Variants in SLC22A14 observed in about 807,000 individuals in gnomAD.
SLC22A14 encodes the protein solute carrier family 22 member 14.
SLC22A14 carries 50 observed loss-of-function variants against 53.9 expected under a neutral mutation model. That is an observed-to-expected ratio of 0.93 (90% CI 0.74 to 1.17). The LOEUF (loss-of-function observed/expected upper bound fraction) is 1.17. SLC22A14 is among the 50% of genes most tolerant of loss of function. SLC22A14 has a pLI of 0.00. For synonymous variants in SLC22A14, 312 were observed against 303.0 expected (o/e 1.03, Z -0.31); for missense variants, 671 against 734.7 (o/e 0.91, Z 1.00).
rs1038697278 is a variant in SLC22A14, at chr3:38,295,032, A to G, written c.1-10995A>G. Among the ~76,000 whole-genome samples, 6 of 152,218 alleles carry G rather than the reference A, an allele frequency of 3.9e-5. No individual in the cohort carries two copies. In the East Asian group the frequency reaches 9.6e-4, roughly 24 times the overall value. ...ACAGATCCAACGTTTGAGCAGACCA[A>G]TTATTAGGCAGTTCTCCTAACTCTG... is the stretch of plus-strand genomic sequence containing the variant. On this transcript the variant is annotated intron_variant, in intron 1 of 10. Coordinates refer to ENST00000448498, the MANE Select transcript of SLC22A14 (RefSeq NM_001320033.2).
intron 1 of SLC22A14, among the ~76,000 whole-genome samples, chr3:38,304,186 G>C (rs1668507295): frequency 7.1e-6 from 1 of 140,000 alleles, no homozygotes; most frequent in African/African-American, 2.7e-5. Flanking sequence ...GCGAGACTCT[G>C]TCTCAAAAAA....
rs528623931 is a variant in SLC22A14, at chr3:38,306,406, G to A, written c.380G>A (p.Ser127Asn). The change falls in exon 2 of 11, where the codon AGT (serine) becomes AAT (asparagine). Residue 127 changes from serine (S) to asparagine (N), a missense_variant. By Grantham distance (46) the Ser-to-Asn change is conservative. Coordinates refer to ENST00000448498, the MANE Select transcript of SLC22A14 (RefSeq NM_001320033.2). Reference protein sequence around the residue: ...NLTIPQAPNGSFLTCFMYLPV... With the variant: ...NLTIPQAPNGNFLTCFMYLPV... The stretch of plus-strand genomic sequence containing the variant: ...ACCATACCCCAAGCACCCAATGGCA[G>A]TTTCCTGACATGCTTCATGTACCTT... The A allele has an allele frequency of 1.2e-6, 2 of 1,614,238 alleles. No individual in the cohort carries two copies. The highest frequency in any genetic ancestry group is 2.2e-5 in the South Asian group (2 of 91,090).
chr3:38,285,838 A>G (rs888334776), intron 1 of SLC22A14, among the ~76,000 whole-genome samples: 15 of 152,244 alleles, frequency 9.9e-5, no homozygotes, highest in African/African-American at 3.6e-4. Flanking sequence ...CAGGTATTCA[A>G]CTTTATAAGA....
intron 1 of SLC22A14, among the ~76,000 whole-genome samples, chr3:38,298,407 A>T (rs1704085227): frequency 6.6e-6 from 1 of 151,254 alleles, no homozygotes; most frequent in African/African-American, 2.4e-5. Flanking sequence ...AGAGGTAGAA[A>T]ATAGACTTGC....
At chr3:38,284,121 G>A (rs913134051) in intron 1 of SLC22A14, among the ~76,000 whole-genome samples, 5 of 152,226 alleles carry the variant, frequency 3.3e-5, no homozygotes, top group African/African-American at 1.2e-4. Context: ...TGGAACAGCA[G>A]TCGCAGTCTG....
chr3:38,309,846 G>T (rs918056430), intron 5 of SLC22A14, among the ~76,000 whole-genome samples: 2 of 152,148 alleles, frequency 1.3e-5, no homozygotes. Flanking sequence ...ATGAAGCAAT[G>T]ATCATATTTA....
chr3:38,316,331 G>C lies in SLC22A14; in HGVS notation c.1540G>C (p.Gly514Arg), dbSNP rs369916421. ...ELLPTVLRAT[G>R]LGLVSLASVA... ...TCTCACCTCCACTTTCAGGGCGACAGGTCTGGGGCTGGTGTCTCTGGCCTC... is the reference window on the plus strand; with the variant it reads ...TCTCACCTCCACTTTCAGGGCGACACGTCTGGGGCTGGTGTCTCTGGCCTC... Residue 514 changes from glycine to arginine, a missense_variant, in exon 10 of 11, where the codon GGT becomes CGT. Physicochemically the swap from Gly to Arg is moderately radical, Grantham distance 125. Transcript: ENST00000448498. 13 of 1,614,042 alleles carry C rather than the reference G, an allele frequency of 8.1e-6. No individual in the cohort carries two copies. The highest frequency in any genetic ancestry group is 1.1e-5 in the Non-Finnish European group (13 of 1,180,052).
rs1010071102 is a variant in SLC22A14 at position 38,298,721 on chromosome 3, GT to G, written c.1-7301del. ...AGGCAGGTGCCACCATATCCAGCTA[GT>G]TTTTGTATTTTTTAGTAGAGACAGG... On this transcript the variant is annotated intron_variant, in intron 1 of 10. Coordinates refer to ENST00000448498, the MANE Select transcript of SLC22A14 (RefSeq NM_001320033.2). 4.5e-4 allele frequency among the ~76,000 whole-genome samples: 68 copies of G among 152,208 alleles called. 1 individual carries two copies. The highest frequency in any genetic ancestry group is 1.6e-3 in the African/African-American group (68 of 41,520).
intron 1 of SLC22A14, among the ~76,000 whole-genome samples, chr3:38,294,586 C>T (rs1161081337): frequency 1.3e-5 from 2 of 151,998 alleles, no homozygotes; most frequent in Non-Finnish European, 2.9e-5. Flanking sequence ...GCCAGCACCC[C>T]TAGTCATTTT....
chr3:38,317,028 A>G (rs978991518), intron 10 of SLC22A14, among the ~76,000 whole-genome samples: 6 of 152,184 alleles, frequency 3.9e-5, no homozygotes, highest in Non-Finnish European at 5.9e-5. Flanking sequence ...CAACACCTCC[A>G]TGGGCACTTC....
chr3:38,313,442 A>G lies in SLC22A14; in HGVS notation c.1120A>G (p.Asn374Asp). The change falls in exon 7 of 11, where the codon AAT becomes GAT. Residue 374 changes from asparagine (N) to aspartate (D), a missense_variant. Coordinates refer to ENST00000448498, the MANE Select transcript of SLC22A14 (RefSeq NM_001320033.2). ...GGCCTCTGTCCTGGACTTCTGTAAG[A>G]ATAGGCAGCTCTGCAAGGTGACCTT... Reference protein sequence around the residue: ...TRASVLDFCKNRQLCKVTLVM... With the variant: ...TRASVLDFCKDRQLCKVTLVM... 1 of 1,613,930 alleles carries G rather than the reference A, an allele frequency of 6.2e-7. No individual in the cohort carries two copies. The highest frequency in any genetic ancestry group is 8.5e-7 in the Non-Finnish European group (1 of 1,179,856).
chr3:38,313,257 T>C, intron 6 of SLC22A14, 131 bp from the exon 7 acceptor site: 4 of 1,436,328 alleles, frequency 2.8e-6, no homozygotes, highest in East Asian at 2.3e-5. Flanking sequence ...GACAGCAAAA[T>C]TGAACCCTGC....
chr3:38,309,658 G>A (rs1192015674), intron 5 of SLC22A14, among the ~76,000 whole-genome samples: 2 of 152,136 alleles, frequency 1.3e-5, no homozygotes, highest in Non-Finnish European at 2.9e-5. Context: ...TTAAAGCTGG[G>A]AGAGGACAAC....
Position 38,307,463 on chromosome 3 carries a change from T to C in SLC22A14, c.621-103T>C. On this transcript the variant is annotated intron_variant, in intron 3 of 10. Transcript: ENST00000448498. The surrounding 1 kb of genome is among the most constrained non-coding windows in gnomAD (Gnocchi z 4.4). ...CTGAGGGAGGTGAGGGTAGGGGTTCTCCAGGGACCCATGGATGGCTCAGGG... is the reference window on the plus strand; with the variant it reads ...CTGAGGGAGGTGAGGGTAGGGGTTCCCCAGGGACCCATGGATGGCTCAGGG... The C allele has an allele frequency of 6.4e-7, 1 of 1,556,186 alleles. No individual in the cohort carries two copies. Among genetic ancestry groups the C allele is most frequent in the Non-Finnish European group, 8.8e-7 (1 of 1,130,410 alleles).
rs1341054996 is a variant in SLC22A14 at position 38,313,870 on chromosome 3, G to A, written c.1307G>A (p.Arg436Lys). The A allele has an allele frequency of 6.2e-7, 1 of 1,614,078 alleles. No homozygotes were observed. Among genetic ancestry groups the A allele is most frequent in the South Asian group, 1.1e-5 (1 of 91,078 alleles). The change falls in exon 8 of 11, where the codon AGG becomes AAG. Residue 436 changes from arginine to lysine, a missense_variant. Arg to Lys is a conservative substitution (Grantham distance 26). Coordinates refer to ENST00000448498, the MANE Select transcript of SLC22A14 (RefSeq NM_001320033.2). ...CCIFLLQQIGRKWSLAVTLLQ... is the reference protein window; with the variant it reads ...CCIFLLQQIGKKWSLAVTLLQ... ...ATCTTTCTCCTCCAGCAGATTGGGA[G>A]GAAGTGGAGCCTGGCTGTGACTCTC...
intron 1 of SLC22A14, among the ~76,000 whole-genome samples, chr3:38,291,545 G>A (rs1703913917): frequency 6.6e-6 from 1 of 152,202 alleles, no homozygotes; most frequent in African/African-American, 2.4e-5. Context: ...TATTTTAACT[G>A]CTTCAGATAC....
intron 1 of SLC22A14, among the ~76,000 whole-genome samples, chr3:38,302,407 A>C (rs1336570920): frequency 6.7e-6 from 1 of 150,206 alleles, no homozygotes; most frequent in Non-Finnish European, 1.5e-5. Flanking sequence ...CTGGCTGTGC[A>C]TGGTGGCAGA....
rs934948578 is a variant in SLC22A14, at chr3:38,307,969, A to G, written c.775+249A>G. 1.1e-5 allele frequency: 6 copies of G among 538,416 alleles called. No individual in the cohort carries two copies. The highest frequency in any genetic ancestry group is 8.2e-5 in the South Asian group (4 of 48,522). 33.4% of individuals were successfully genotyped at this position (538,416 alleles called of 1,614,324 possible). A position where few individuals can be genotyped will look rare whatever the true frequency, so the allele number is the denominator to read the frequency against. On this transcript the variant is annotated intron_variant, in intron 4 of 10. Transcript: ENST00000448498. The surrounding 1 kb of genome is among the most constrained non-coding windows in gnomAD (Gnocchi z 4.4). Reference sequence around the variant, plus strand: ...GGGATCTCCGTTCCTGGCTGCCTGGAGATGTCAGAGAATCAGTGCCCTGAC... The same window carrying G: ...GGGATCTCCGTTCCTGGCTGCCTGGGGATGTCAGAGAATCAGTGCCCTGAC...
intron 1 of SLC22A14, among the ~76,000 whole-genome samples, chr3:38,299,670 C>T (rs929928454): frequency 1.3e-5 from 2 of 152,210 alleles, no homozygotes; most frequent in African/African-American, 4.8e-5. Flanking sequence ...TCAAGTGACT[C>T]TCTTGCTTTA....
Sources: gnomAD v4.1 joint callset for allele counts (sites outside exome capture counted in the v4.1 genomes callset) on GRCh38, gnomAD v4.1.1 for gene constraint, Gnocchi (gnomAD v3.1) non-coding constraint, MANE v1.5 for transcripts, NCBI Gene and HGNC (gene_info 2026-07-23, HGNC 2026-07-21) for gene names.